RASGRP3: variants seen among roughly 807,000 people sequenced by gnomAD.
RASGRP3 encodes the protein ras guanyl-releasing protein 3.
A neutral mutation model predicts 82.7 loss-of-function variants in RASGRP3; 54 were observed. That is an observed-to-expected ratio of 0.65 (90% CI 0.52 to 0.82). The LOEUF (loss-of-function observed/expected upper bound fraction) is 0.82, where lower values mean the gene tolerates loss of function less well. RASGRP3 is among the 40% of genes least tolerant of loss of function. The pLI, the probability that RASGRP3 is intolerant of heterozygous loss-of-function variation, is 0.00. For synonymous variants in RASGRP3, 309 were observed against 300.5 expected, an observed-to-expected ratio of 1.03 and a Z score of -0.29; for missense variants, 861 against 828.9, an observed-to-expected ratio of 1.04 and a Z score of -0.48.
intron 1 of RASGRP3, among the ~76,000 whole-genome samples, chr2:33,502,131 G>A (rs1041639991): frequency 2.6e-5 from 4 of 152,150 alleles, no homozygotes; most frequent in African/African-American, 9.7e-5. Context: ...TTGTTTGTTA[G>A]TGTTTGGTTT....
intron 2 of RASGRP3, among the ~76,000 whole-genome samples, chr2:33,461,374 G>T (rs921782706): frequency 6.6e-6 from 1 of 152,176 alleles, no homozygotes; most frequent in Non-Finnish European, 1.5e-5. Flanking sequence ...CATCTCCCGG[G>T]TTCAAGTCAT....
At chr2:33,446,624 C>T (rs746833550) in intron 1 of RASGRP3, among the ~76,000 whole-genome samples, 15 of 151,882 alleles carry the variant, frequency 9.9e-5, no homozygotes, top group Non-Finnish European at 2.2e-4. Context: ...GCATGATTGT[C>T]CAGTTCTCCT....
chr2:33,440,025 G>C (rs973588184), intron 1 of RASGRP3, among the ~76,000 whole-genome samples: 1 of 152,050 alleles, frequency 6.6e-6, no homozygotes, highest in Admixed American at 6.6e-5. Context: ...GAGAGAATGT[G>C]TTCAAGAGGA....
intron 2 of RASGRP3, among the ~76,000 whole-genome samples, chr2:33,470,342 T>A (rs530539847): frequency 5.6e-4 from 85 of 152,020 alleles, no homozygotes; most frequent in African/African-American, 1.9e-3. Context: ...GAAATGTTAT[T>A]GTTGTTGTTG....
chr2:33,508,080 C>G (rs1477101272), intron 1 of RASGRP3, among the ~76,000 whole-genome samples: 1 of 152,112 alleles, frequency 6.6e-6, no homozygotes, highest in Non-Finnish European at 1.5e-5. Flanking sequence ...AAGGATAATT[C>G]CCAGATTTCT....
intron 2 of RASGRP3, among the ~76,000 whole-genome samples, chr2:33,513,655 A>G (rs1671146954): frequency 6.6e-6 from 1 of 152,232 alleles, no homozygotes. Context: ...TCCAAGTCCT[A>G]TGGGGACCTG....
intron 1 of RASGRP3, among the ~76,000 whole-genome samples, chr2:33,499,277 A>C (rs1669633657): frequency 6.6e-6 from 1 of 152,056 alleles, no homozygotes; most frequent in Non-Finnish European, 1.5e-5. Context: ...TTGAAACCCC[A>C]GTTTTTGGCC....
intron 13 of RASGRP3, among the ~76,000 whole-genome samples, chr2:33,548,167 T>C (rs199565322): frequency 6.6e-5 from 10 of 151,838 alleles, no homozygotes; most frequent in Non-Finnish European, 8.8e-5. Context: ...CGAGACCATC[T>C]TGGCTAACAC....
chr2:33,549,503 C>A (rs1675165857), intron 13 of RASGRP3, 101 bp from the exon 14 acceptor site: 2 of 1,191,362 alleles, frequency 1.7e-6, no homozygotes, highest in Non-Finnish European at 1.2e-6. Flanking sequence ...GCCTCAACTG[C>A]TTTTGGCCAC....
intron 1 of RASGRP3, among the ~76,000 whole-genome samples, chr2:33,494,207 C>T (rs750123442): frequency 6.6e-6 from 1 of 152,186 alleles, no homozygotes; most frequent in Non-Finnish European, 1.5e-5. Flanking sequence ...GTGTCGCCTA[C>T]TAGCACAACC....
chr2:33,513,610 A>G (rs1401465065), intron 2 of RASGRP3, among the ~76,000 whole-genome samples: 4 of 152,246 alleles, frequency 2.6e-5, no homozygotes, highest in African/African-American at 9.6e-5. Context: ...TCTAAAGTGG[A>G]TAAATGTCTT....
chr2:33,471,607 C>G (rs1667065618), intron 2 of RASGRP3, among the ~76,000 whole-genome samples: 1 of 151,638 alleles, frequency 6.6e-6, no homozygotes, highest in African/African-American at 2.4e-5. Flanking sequence ...TTACTTTTGT[C>G]CACTTGAACA....
intron 1 of RASGRP3, among the ~76,000 whole-genome samples, chr2:33,442,387 G>A (rs1284056795): frequency 6.6e-6 from 1 of 152,150 alleles, no homozygotes; most frequent in South Asian, 2.1e-4. Context: ...TGGTTGGTGG[G>A]ATAATGGTGA....
intron 1 of RASGRP3, among the ~76,000 whole-genome samples, chr2:33,442,323 C>T (rs940801263): frequency 7.9e-5 from 12 of 152,140 alleles, no homozygotes; most frequent in Admixed American, 1.3e-4. Flanking sequence ...AAGATCGCGC[C>T]GCTGCACTCC....
intron 12 of RASGRP3, chr2:33,540,303 T>C (rs1488192038): frequency 1.5e-5 from 2 of 137,088 alleles, no homozygotes; most frequent in Non-Finnish European, 3.3e-5. Context: ...GGAATATTAG[T>C]GAGGGAAGGG....
chr2:33,542,762 C>A (rs1173235893), intron 12 of RASGRP3, among the ~76,000 whole-genome samples: 1 of 122,022 alleles, frequency 8.2e-6, no homozygotes, highest in Non-Finnish European at 2.0e-5. Context: ...TGGCTCACTG[C>A]AACCTCCTCC....
chr2:33,445,660 T>C (rs9308935), intron 1 of RASGRP3, among the ~76,000 whole-genome samples: 15,826 of 151,830 alleles, frequency 0.1, 1,202 homozygotes, highest in South Asian at 0.26. Context: ...TTGAAATTAT[T>C]CAATGAAATC....
intron 1 of RASGRP3, among the ~76,000 whole-genome samples, chr2:33,447,121 A>G (rs888376829): frequency 6.6e-6 from 1 of 151,892 alleles, no homozygotes; most frequent in African/African-American, 2.4e-5. Context: ...AAAAAAAAAA[A>G]AAAGAGGGGG....
At chr2:33,522,130 A>G in intron 7 of RASGRP3, 28 bp downstream of exon 7, 1 of 1,588,376 alleles carries the variant, frequency 6.3e-7, no homozygotes, top group Non-Finnish European at 8.5e-7. Flanking sequence ...TATTCTTCCA[A>G]GGATAACAAC....
Sources: allele counts gnomAD v4.1 joint callset (sites outside exome capture counted in the v4.1 genomes callset), GRCh38; gene constraint gnomAD v4.1.1; transcripts MANE v1.5; gene names NCBI Gene and HGNC (gene_info 2026-07-23, HGNC 2026-07-21).